The following ARMC9 variants were observed in gnomAD, a reference collection of about 807,000 sequenced individuals.
ARMC9 encodes the protein armadillo repeat containing 9.
A neutral mutation model predicts 107.0 loss-of-function variants in ARMC9; 94 were observed. The ratio of observed to expected loss-of-function variants is 0.88; its 90% CI spans 0.74 to 1.04. The LOEUF (loss-of-function observed/expected upper bound fraction) is 1.04. Ranked by LOEUF, ARMC9 falls within the 50% of genes least tolerant of loss-of-function variation. The probability of loss-of-function intolerance (pLI) is 0.00; values close to 1 mark genes in which losing one functional copy is unlikely to be tolerated. For synonymous variants in ARMC9, 380 were observed against 396.9 expected (o/e 0.96, Z 0.51); for missense variants, 942 against 1,030.1 (o/e 0.91, Z 1.17).
chr2:231,359,030 C>T (rs1358072012), intron 22 of ARMC9, among the ~76,000 whole-genome samples: 1 of 151,866 alleles, frequency 6.6e-6, no homozygotes, highest in Non-Finnish European at 1.5e-5. Context: ...GGTGCACACC[C>T]ATGGCTGCCC....
intron 12 of ARMC9, among the ~76,000 whole-genome samples, chr2:231,267,822 C>T (rs13418374): frequency 3.3e-5 from 5 of 152,100 alleles, no homozygotes; most frequent in Non-Finnish European, 7.4e-5. Flanking sequence ...ACACGGGCAG[C>T]GTTTACTAAA....
chr2:231,210,333 A>G (rs995313869), intron 3 of ARMC9, among the ~76,000 whole-genome samples: 28 of 152,204 alleles, frequency 1.8e-4, no homozygotes, highest in African/African-American at 6.0e-4. Flanking sequence ...TGTTCAGAAC[A>G]TAAAAGAATA....
rs1335982583 is a variant in ARMC9, at chr2:231,376,230, G to T, written c.*4695G>T. Reference sequence around the variant, plus strand: ...CTGAGCACCTTGAAAAAAGAACAGGGTAACAGCAATTGTTCAGGGAATAAG... The same window carrying T: ...CTGAGCACCTTGAAAAAAGAACAGGTTAACAGCAATTGTTCAGGGAATAAG... On this transcript the variant is annotated 3_prime_UTR_variant, in exon 25 of 25. Coordinates refer to ENST00000611582, the MANE Select transcript of ARMC9 (RefSeq NM_001352754.2). 6.6e-6 allele frequency among the ~76,000 whole-genome samples: 1 copy of T among 152,154 alleles called. No homozygotes were observed. The highest frequency in any genetic ancestry group is 2.4e-5 in the African/African-American group (1 of 41,420).
rs115454709 is a variant in ARMC9, at chr2:231,288,788, C to T, written c.1627-2565C>T. ...ACGCACCGTGGTTTGACTCCAGAGC[C>T]CTCTGCACCTGTGCTGCAGTATCAC... On this transcript the variant is annotated intron_variant, in intron 17 of 24. Transcript: ENST00000611582. The T allele has an allele frequency of 4.3e-3, 1,986 of 464,278 alleles. 27 individuals are homozygous for T. Among genetic ancestry groups the T allele is most frequent in the African/African-American group, 0.037 (1,848 of 50,052 alleles). 28.8% of individuals were successfully genotyped at this position (464,278 alleles called of 1,614,324 possible).
chr2:231,210,824 T>C (rs1336539102), intron 3 of ARMC9, among the ~76,000 whole-genome samples: 3 of 152,246 alleles, frequency 2.0e-5, no homozygotes, highest in African/African-American at 7.2e-5. Context: ...TCAGTAGTGT[T>C]AAATGTGTTC....
At chr2:231,288,054 A>G (rs1414215523) in intron 17 of ARMC9, among the ~76,000 whole-genome samples, 2 of 152,198 alleles carry the variant, frequency 1.3e-5, no homozygotes, top group South Asian at 2.1e-4. Context: ...TCGTTTTTCC[A>G]TCTGTAAGAT....
chr2:231,278,781 A>T (rs910058505), intron 16 of ARMC9, among the ~76,000 whole-genome samples: 2 of 152,264 alleles, frequency 1.3e-5, no homozygotes, highest in South Asian at 4.1e-4. Context: ...TGTTTAATGT[A>T]TCTCTGTGGA....
chr2:231,278,256 AC>A, intron 15 of ARMC9, 125 bp from the exon 16 acceptor site: 2 of 864,126 alleles, frequency 2.3e-6, no homozygotes, highest in Non-Finnish European at 3.9e-6. Flanking sequence ...CCGAGGTCAT[AC>A]AGCTCACCCG....
At chr2:231,235,186 A>G (rs1242864360) in intron 7 of ARMC9, 38 bp from the exon 8 acceptor site, 2 of 1,581,056 alleles carry the variant, frequency 1.3e-6, no homozygotes, top group Non-Finnish European at 1.7e-6. Flanking sequence ...CATATTGTGG[A>G]TTTTTATTGA....
At chr2:231,239,158 G>A (rs189687545) in intron 8 of ARMC9, among the ~76,000 whole-genome samples, 73 of 152,324 alleles carry the variant, frequency 4.8e-4, no homozygotes, top group African/African-American at 1.7e-3. Context: ...TGTGGGGGAA[G>A]GGTGGGATTC....
At chr2:231,346,508 G>A (rs968497648) in intron 21 of ARMC9, among the ~76,000 whole-genome samples, 3 of 152,124 alleles carry the variant, frequency 2.0e-5, no homozygotes, top group Non-Finnish European at 4.4e-5. Flanking sequence ...GCGATAGAGT[G>A]ACACTCTATC....
intron 19 of ARMC9, among the ~76,000 whole-genome samples, chr2:231,302,772 G>T (rs1559431923): frequency 1.3e-5 from 2 of 152,172 alleles, no homozygotes; most frequent in South Asian, 4.1e-4. Context: ...GGAGCCCCAG[G>T]TGGGTGGATC....
chr2:231,371,181 G>A (rs1323982584), intron 24 of ARMC9: 2 of 565,466 alleles, frequency 3.5e-6, no homozygotes, highest in Non-Finnish European at 6.7e-6. Context: ...AGTGACACCA[G>A]CAGCTGGTGG....
chr2:231,253,691 G>A (rs1256646069), intron 9 of ARMC9, among the ~76,000 whole-genome samples: 1 of 152,248 alleles, frequency 6.6e-6, no homozygotes, highest in Non-Finnish European at 1.5e-5. Context: ...TTTCCAATGA[G>A]AGCTGGATGA....
At chr2:231,300,909 G>T (rs17586989) in intron 19 of ARMC9, among the ~76,000 whole-genome samples, 1 of 152,078 alleles carries the variant, frequency 6.6e-6, no homozygotes, top group African/African-American at 2.4e-5. Flanking sequence ...GAAGGGAAGG[G>T]TGTGGCCAGC....
intron 19 of ARMC9, among the ~76,000 whole-genome samples, chr2:231,314,674 C>T (rs1028476072): frequency 3.9e-5 from 6 of 152,198 alleles, no homozygotes; most frequent in East Asian, 1.9e-4. Context: ...TGTTTCTAGA[C>T]GTTGCTAAAT....
At chr2:231,337,270 G>GTGTATA (rs1417267339) in intron 20 of ARMC9, among the ~76,000 whole-genome samples, 1 of 76,408 alleles carries the variant, frequency 1.3e-5, no homozygotes, top group African/African-American at 5.8e-5. Context: ...ACGTGTGTGT[G>GTGTATA]TATATATATA....
Position 231,353,980 on chromosome 2 carries a change from T to TACACACAC in ARMC9, c.1995-1789_1995-1782dup, listed in dbSNP as rs35433958. On this transcript the variant is annotated intron_variant, in intron 21 of 24. Coordinates refer to ENST00000611582, the MANE Select transcript of ARMC9 (RefSeq NM_001352754.2). Reference sequence around the variant, plus strand: ...TAACAATGCAGCATATATGTATATATACACACACACACACACACACACACA... The same window carrying TACACACAC: ...TAACAATGCAGCATATATGTATATATACACACACACACACACACACACACACACACACA... Among the ~76,000 whole-genome samples, 97 of 135,370 alleles carry TACACACAC rather than the reference T, an allele frequency of 7.2e-4. 1 individual carries two copies. Among genetic ancestry groups the TACACACAC allele is most frequent in the African/African-American group, 2.7e-3 (85 of 32,048 alleles). 88.8% of individuals were successfully genotyped at this position (135,370 alleles called of 152,430 possible).
chr2:231,249,329 C>T (rs1038021251), intron 9 of ARMC9, among the ~76,000 whole-genome samples: 4 of 152,150 alleles, frequency 2.6e-5, no homozygotes, highest in Admixed American at 6.5e-5. Flanking sequence ...AGGAGACTCC[C>T]GAGAAGTCCC....
Sources: allele counts gnomAD v4.1 joint callset (sites outside exome capture counted in the v4.1 genomes callset), GRCh38; gene constraint gnomAD v4.1.1; transcripts MANE v1.5; gene names NCBI Gene and HGNC (gene_info 2026-07-23, HGNC 2026-07-21).